OR9Q1: variants seen among roughly 807,000 people sequenced by gnomAD.
OR9Q1 encodes the protein olfactory receptor family 9 subfamily Q member 1, also known as olfactory receptor 9Q1.
For missense variants in OR9Q1, 374 were observed against 378.8 expected (o/e 0.99, Z 0.11); for synonymous variants, 153 against 148.6 (o/e 1.03, Z -0.22).
chr11:58,094,271 T>C (rs1048462588), intron 2 of OR9Q1, among the ~76,000 whole-genome samples: 2 of 152,162 alleles, frequency 1.3e-5, no homozygotes, highest in Admixed American at 6.5e-5. Context: ...TGTGGAATGA[T>C]AGACATTGAG....
intron 2 of OR9Q1, among the ~76,000 whole-genome samples, chr11:58,137,176 TA>T (rs1429266466): frequency 6.6e-6 from 1 of 152,164 alleles, no homozygotes; most frequent in African/African-American, 2.4e-5. Context: ...AAGTGGCTTA[TA>T]AAAATGCATA....
At chr11:58,075,226 T>C (rs1853528078) in intron 2 of OR9Q1, among the ~76,000 whole-genome samples, 1 of 152,234 alleles carries the variant, frequency 6.6e-6, no homozygotes, top group African/African-American at 2.4e-5. Context: ...ATATTGATTC[T>C]TCCTATCCAG....
chr11:58,131,899 G>A (rs1256291487), intron 2 of OR9Q1, among the ~76,000 whole-genome samples: 1 of 151,994 alleles, frequency 6.6e-6, no homozygotes, highest in Non-Finnish European at 1.5e-5. Flanking sequence ...GTATAAAAAG[G>A]CAATATAAAC....
intron 2 of OR9Q1, among the ~76,000 whole-genome samples, chr11:58,166,382 C>T (rs1435457801): frequency 6.6e-6 from 1 of 152,110 alleles, no homozygotes; most frequent in African/African-American, 2.4e-5. Flanking sequence ...ACTCATCAAA[C>T]ATTTATTTAC....
At chr11:58,077,440 T>C (rs887973884) in intron 2 of OR9Q1, 4 of 152,220 alleles carry the variant, frequency 2.6e-5, no homozygotes, top group Non-Finnish European at 5.9e-5. Context: ...AGTTCTAGCA[T>C]AGGAATAAAG....
intron 2 of OR9Q1, among the ~76,000 whole-genome samples, chr11:58,098,706 G>A (rs1369540982): frequency 6.6e-6 from 1 of 152,064 alleles, no homozygotes; most frequent in Non-Finnish European, 1.5e-5. Context: ...ACATTCATCT[G>A]TTTTCTGTTT....
At chr11:58,031,336 G>A in intron 1 of OR9Q1, 1 of 1,614,114 alleles carries the variant, frequency 6.2e-7, no homozygotes, top group Non-Finnish European at 8.5e-7. Flanking sequence ...ATCGTTATGT[G>A]GCCATTTGTA....
chr11:58,094,581 G>A (rs1403176043), intron 2 of OR9Q1, among the ~76,000 whole-genome samples: 1 of 152,064 alleles, frequency 6.6e-6, no homozygotes, highest in African/African-American at 2.4e-5. Flanking sequence ...TGAATTGAAT[G>A]CAAAAATCAA....
chr11:58,057,129 G>C (rs1414211851), intron 2 of OR9Q1, among the ~76,000 whole-genome samples: 1 of 151,598 alleles, frequency 6.6e-6, no homozygotes, highest in Non-Finnish European at 1.5e-5. Context: ...GAGTAGCTGG[G>C]ACTATAGACA....
At chr11:58,101,402 T>C (rs1415948522) in intron 2 of OR9Q1, among the ~76,000 whole-genome samples, 1 of 152,212 alleles carries the variant, frequency 6.6e-6, no homozygotes, top group East Asian at 1.9e-4. Flanking sequence ...TGAACATTGT[T>C]TCATATGTTT....
chr11:58,107,919 G>T (rs965886906), intron 2 of OR9Q1, among the ~76,000 whole-genome samples: 2 of 152,148 alleles, frequency 1.3e-5, no homozygotes, highest in African/African-American at 4.8e-5. Flanking sequence ...ACCTGAGAAA[G>T]TAGTATCAAT....
intron 2 of OR9Q1, among the ~76,000 whole-genome samples, chr11:58,069,782 A>G (rs1045004020): frequency 6.6e-6 from 1 of 151,364 alleles, no homozygotes; most frequent in Non-Finnish European, 1.5e-5. Flanking sequence ...GAGGTGGGAG[A>G]TCGCTTGAGC....
intron 2 of OR9Q1, among the ~76,000 whole-genome samples, chr11:58,120,312 A>G (rs1464578764): frequency 6.6e-6 from 1 of 152,132 alleles, no homozygotes; most frequent in Non-Finnish European, 1.5e-5. Context: ...GAGTTTATAC[A>G]TTGTCCAAAA....
rs1854529127 is a variant in OR9Q1 at position 58,168,795 on chromosome 11, A to G, written c.-14-10636A>G. On this transcript the variant is annotated intron_variant, in intron 2 of 2. Transcript: ENST00000335397. Reference sequence around the variant, plus strand: ...TTTTATTTATTTTTTTGTAGTCCATATTGTCTAATACATGCATTTCCAGGC... The same window carrying G: ...TTTTATTTATTTTTTTGTAGTCCATGTTGTCTAATACATGCATTTCCAGGC... Among the ~76,000 whole-genome samples, 10 of 152,190 alleles carry G rather than the reference A, an allele frequency of 6.6e-5. No individual in the cohort carries two copies. In the South Asian group the frequency reaches 2.1e-3, roughly 32 times the overall value.
In OR9Q1 at chr11:58,154,379, A is replaced by ATTTTTTTTTTT. The variant is rs3085835; in HGVS notation, c.-14-25046_-14-25036dup. Among the ~76,000 whole-genome samples the ATTTTTTTTTTT allele has an allele frequency of 1.4e-5, 2 of 140,954 alleles. 1 individual carries two copies. The highest frequency in any genetic ancestry group is 5.1e-5 in the African/African-American group (2 of 38,868). 92.5% of individuals were successfully genotyped at this position (140,954 alleles called of 152,430 possible). The stretch of plus-strand genomic sequence containing the variant: ...TTAGCAATAAAAATCAATGCAATGG[A>ATTTTTTTTTTT]TTTTTTTTTTTTTTTTGTCCTGTGA... On this transcript the variant is annotated intron_variant, in intron 2 of 2. Coordinates refer to ENST00000335397, the MANE Select transcript of OR9Q1 (RefSeq NM_001005212.4).
chr11:58,092,238 G>A (rs946058934), intron 2 of OR9Q1, among the ~76,000 whole-genome samples: 6 of 151,762 alleles, frequency 4.0e-5, no homozygotes, highest in African/African-American at 1.5e-4. Context: ...TCTTCATAGT[G>A]TCGTATATTT....
intron 1 of OR9Q1, among the ~76,000 whole-genome samples, chr11:58,036,447 T>G (rs996435364): frequency 5.3e-5 from 8 of 152,200 alleles, no homozygotes; most frequent in African/African-American, 1.9e-4. Context: ...ATGGTACAAG[T>G]AGTTTTTGAT....
At chr11:58,118,506 G>A (rs1243675841) in intron 2 of OR9Q1, 1 of 1,590,666 alleles carries the variant, frequency 6.3e-7, no homozygotes, top group Non-Finnish European at 8.6e-7. Context: ...AGATCTACAT[G>A]CTCAGGGACA....
intron 2 of OR9Q1, among the ~76,000 whole-genome samples, chr11:58,103,570 T>A (rs1007583381): frequency 6.6e-6 from 1 of 152,352 alleles, no homozygotes; most frequent in Non-Finnish European, 1.5e-5. Flanking sequence ...TATTTTGTTT[T>A]TTTTTACATT....
Sources: gnomAD v4.1 joint callset for allele counts (sites outside exome capture counted in the v4.1 genomes callset) on GRCh38, gnomAD v4.1.1 for gene constraint, MANE v1.5 for transcripts, NCBI Gene and HGNC (gene_info 2026-07-23, HGNC 2026-07-21) for gene names.